Variants in HS3ST4 observed in about 807,000 individuals in gnomAD.
HS3ST4 encodes the protein heparan sulfate glucosamine 3-O-sulfotransferase 4.
A neutral mutation model predicts 29.2 loss-of-function variants in HS3ST4; 17 were observed. The observed-to-expected ratio is 0.58, with a 90% CI of 0.40 to 0.87. HS3ST4 has a LOEUF of 0.87. Among genes scored for constraint, HS3ST4 ranks in the 40% least tolerant of loss-of-function variants. The pLI, the probability that HS3ST4 is intolerant of heterozygous loss-of-function variation, is 0.00. For synonymous variants in HS3ST4, 314 were observed against 285.7 expected, an observed-to-expected ratio of 1.10 and a Z score of -1.00; for missense variants, 627 against 634.5, an observed-to-expected ratio of 0.99 and a Z score of 0.13.
At chr16:26,019,625 C>G (rs1190523134) in intron 1 of HS3ST4, among the ~76,000 whole-genome samples, 3 of 152,164 alleles carry the variant, frequency 2.0e-5, no homozygotes, top group Non-Finnish European at 4.4e-5. Context: ...GGCGGCGGGT[C>G]CGTCTGGCTC....
chr16:25,954,438 A>G (rs111792224), intron 1 of HS3ST4, among the ~76,000 whole-genome samples: 13 of 152,156 alleles, frequency 8.5e-5, no homozygotes, highest in Non-Finnish European at 4.4e-5. Flanking sequence ...CCACTCCTTA[A>G]TAGGGTGTCT....
rs573265781 is a variant in HS3ST4 at position 25,758,915 on chromosome 16, C to G, written c.734+65764C>G. Among the ~76,000 whole-genome samples, 205 of 151,906 alleles carry G rather than the reference C, an allele frequency of 1.3e-3. 4 individuals are homozygous for G. The South Asian group carries it at 0.041, about 30-fold the overall frequency. ...AGGTTGCAGTGAGCTGAGATCACAC[C>G]ACTGCCTTGCAGCCTGGGTAACAGA... On this transcript the variant is annotated intron_variant, in intron 1 of 1. Transcript: ENST00000331351.
At chr16:25,997,569 T>C (rs996198299) in intron 1 of HS3ST4, among the ~76,000 whole-genome samples, 4 of 152,216 alleles carry the variant, frequency 2.6e-5, no homozygotes, top group African/African-American at 9.6e-5. Context: ...AATTTTTCAC[T>C]GGCTTCATGG....
At chr16:26,131,469 C>G (rs966941337) in intron 1 of HS3ST4, among the ~76,000 whole-genome samples, 3 of 152,172 alleles carry the variant, frequency 2.0e-5, no homozygotes, top group South Asian at 2.1e-4. Context: ...TCCAGCGTTA[C>G]TGGTCTTCCT....
chr16:26,024,152 G>T (rs1969443750), intron 1 of HS3ST4, among the ~76,000 whole-genome samples: 1 of 151,340 alleles, frequency 6.6e-6, no homozygotes, highest in South Asian at 2.1e-4. Context: ...TGAACCCGGA[G>T]GTGGAGGTTG....
intron 1 of HS3ST4, among the ~76,000 whole-genome samples, chr16:25,831,395 C>CTA (rs1596584941): frequency 9.8e-6 from 1 of 101,644 alleles, no homozygotes; most frequent in East Asian, 3.3e-4. Flanking sequence ...GACCCCGTCT[C>CTA]TACACACACA....
At position 25,692,388 on chromosome 16, in the gene HS3ST4, C is replaced by A. The variant is rs1268319037; in HGVS notation, c.-30C>A. ...GGGCAGCGCCGGGGGCTGCCGCCGC[C>A]GCCGCCGCCGCCGCGAGCCGGGAGC... On this transcript the variant is annotated 5_prime_UTR_variant, in exon 1 of 2. Coordinates refer to ENST00000331351, the MANE Select transcript of HS3ST4 (RefSeq NM_006040.3). The A allele has an allele frequency of 2.8e-6, 2 of 715,916 alleles. No individual in the cohort carries two copies. Among genetic ancestry groups the A allele is most frequent in the African/African-American group, 2.0e-5 (1 of 50,620 alleles). The allele number at this position is 715,916 out of a possible 1,614,324, so 44.3% of individuals were successfully genotyped here.
intron 1 of HS3ST4, among the ~76,000 whole-genome samples, chr16:25,802,368 C>T (rs1966947798): frequency 2.0e-5 from 3 of 152,032 alleles, no homozygotes; most frequent in Admixed American, 6.6e-5. Flanking sequence ...ATATCCATTT[C>T]TGGGCTCACT....
In HS3ST4 at chr16:26,044,164, C is replaced by A. The variant is rs191413039; in HGVS notation, c.735-91448C>A. Among the ~76,000 whole-genome samples the A allele has an allele frequency of 9.9e-4, 151 of 151,782 alleles. 2 individuals carry two copies. The highest frequency in any genetic ancestry group is 1.3e-3 in the South Asian group (6 of 4,780). ...TCACTGCGTCGTGTGGATAAAGAAA[C>A]CCAGTGGTGGCTTTAAGCCTCATGT... On this transcript the variant is annotated intron_variant, in intron 1 of 1. Coordinates refer to ENST00000331351, the MANE Select transcript of HS3ST4 (RefSeq NM_006040.3).
intron 1 of HS3ST4, among the ~76,000 whole-genome samples, chr16:26,033,577 G>C (rs1969553488): frequency 6.6e-6 from 1 of 151,470 alleles, no homozygotes; most frequent in Non-Finnish European, 1.5e-5. Context: ...ATATATATTA[G>C]CTGGGTGTGA....
Position 25,869,425 on chromosome 16 carries a change from G to A in HS3ST4, c.734+176274G>A, listed in dbSNP as rs1296053786. ...GAAGACCCCTCAGGTTCAGATCCAA[G>A]TTTTGCCACATGTAAACATTGTAGC... On this transcript the variant is annotated intron_variant, in intron 1 of 1. Coordinates refer to ENST00000331351, the MANE Select transcript of HS3ST4 (RefSeq NM_006040.3). 2.6e-5 allele frequency among the ~76,000 whole-genome samples: 4 copies of A among 152,170 alleles called. No homozygotes were observed. In the East Asian group the frequency reaches 7.7e-4, roughly 29 times the overall value.
intron 1 of HS3ST4, among the ~76,000 whole-genome samples, chr16:25,786,703 A>G (rs1249160660): frequency 1.3e-5 from 2 of 152,238 alleles, no homozygotes; most frequent in Non-Finnish European, 2.9e-5. Flanking sequence ...CATGTTGTAC[A>G]AGAACTATCG....
At chr16:26,059,609 C>T (rs1395094768) in intron 1 of HS3ST4, among the ~76,000 whole-genome samples, 1 of 152,170 alleles carries the variant, frequency 6.6e-6, no homozygotes, top group Non-Finnish European at 1.5e-5. Context: ...CCATCCTCCT[C>T]TGACCGTGTG....
chr16:25,981,539 C>T (rs750625372), intron 1 of HS3ST4, among the ~76,000 whole-genome samples: 5 of 151,438 alleles, frequency 3.3e-5, no homozygotes, highest in East Asian at 3.9e-4. Flanking sequence ...ATCTCTTCCT[C>T]GGGCTAGATT....
intron 1 of HS3ST4, among the ~76,000 whole-genome samples, chr16:25,969,143 T>C (rs1194767533): frequency 6.6e-6 from 1 of 152,194 alleles, no homozygotes; most frequent in African/African-American, 2.4e-5. Context: ...TTGTCACTAC[T>C]AGTGATAGCT....
chr16:25,782,119 G>T (rs1487992534), intron 1 of HS3ST4, among the ~76,000 whole-genome samples: 1 of 152,166 alleles, frequency 6.6e-6, no homozygotes, highest in African/African-American at 2.4e-5. Flanking sequence ...GGAAGGAGAA[G>T]TGTGTGAGAG....
chr16:26,056,239 G>A (rs2141768791), intron 1 of HS3ST4, among the ~76,000 whole-genome samples: 1 of 152,326 alleles, frequency 6.6e-6, no homozygotes, highest in South Asian at 2.1e-4. Context: ...CAGGGAAGTA[G>A]GTGGTTCAGT....
intron 1 of HS3ST4, among the ~76,000 whole-genome samples, chr16:25,921,881 A>G (rs1968358448): frequency 6.6e-6 from 1 of 151,958 alleles, no homozygotes; most frequent in Non-Finnish European, 1.5e-5. Context: ...CAGCCTTCCA[A>G]GTAGCTGGGA....
intron 1 of HS3ST4, among the ~76,000 whole-genome samples, chr16:26,027,065 A>T (rs1277365075): frequency 6.6e-6 from 1 of 152,248 alleles, no homozygotes; most frequent in African/African-American, 2.4e-5. Flanking sequence ...CTACTGCCGA[A>T]GTCCCAACTG....
Sources: gnomAD v4.1 joint callset for allele counts (sites outside exome capture counted in the v4.1 genomes callset) on GRCh38, gnomAD v4.1.1 for gene constraint, MANE v1.5 for transcripts, NCBI Gene and HGNC (gene_info 2026-07-23, HGNC 2026-07-21) for gene names.